Variants in PTGS1 observed in about 807,000 individuals in gnomAD.
The protein encoded by PTGS1 is prostaglandin G/H synthase 1.
A neutral mutation model predicts 63.0 loss-of-function variants in PTGS1; 40 were observed. The ratio of observed to expected loss-of-function variants is 0.63; its 90% CI spans 0.49 to 0.83. The LOEUF (loss-of-function observed/expected upper bound fraction) is 0.83, where lower values mean the gene tolerates loss of function less well. Among genes scored for constraint, PTGS1 ranks in the 40% least tolerant of loss-of-function variants. The pLI is 0.00. For synonymous variants in PTGS1, 298 were observed against 301.9 expected (o/e 0.99, Z 0.13); for missense variants, 709 against 786.5 (o/e 0.90, Z 1.18).
Position 122,386,543 on chromosome 9 carries a change from G to C in PTGS1, c.1107G>C (p.Gln369His). 1.2e-6 allele frequency: 2 copies of C among 1,614,178 alleles called. No homozygotes were observed. The highest frequency in any genetic ancestry group is 1.7e-6 in the Non-Finnish European group (2 of 1,180,028). The change falls in exon 9 of 11, where the codon CAG becomes CAC. Residue 369 changes from glutamine to histidine, a missense_variant. By Grantham distance (24) the Gln-to-His change is conservative. Coordinates refer to ENST00000362012, the MANE Select transcript of PTGS1 (RefSeq NM_000962.4). ...KFDPELLFGV[Q>H]FQYRNRIAME... is the part of the protein sequence containing the mutation. Reference sequence around the variant, plus strand: ...ACCCAGAGCTGCTGTTCGGTGTCCAGTTCCAATACCGCAACCGCATTGCCA... The same window carrying C: ...ACCCAGAGCTGCTGTTCGGTGTCCACTTCCAATACCGCAACCGCATTGCCA...
At chr9:122,373,139 C>T (rs925346167) in intron 2 of PTGS1, among the ~76,000 whole-genome samples, 3 of 152,106 alleles carry the variant, frequency 2.0e-5, no homozygotes, top group African/African-American at 7.2e-5. Flanking sequence ...CTAAGAGACT[C>T]GACCAGGAAA....
At chr9:122,375,654 G>A (rs1011793159) in intron 2 of PTGS1, among the ~76,000 whole-genome samples, 7 of 152,172 alleles carry the variant, frequency 4.6e-5, no homozygotes, top group Admixed American at 4.6e-4. Flanking sequence ...GCCAGGGCAA[G>A]GGAGAGTGGG....
rs1838509436 is a variant in PTGS1 at position 122,395,182 on chromosome 9, C to T, written c.*2638C>T. ...GGATGGGTTCCAGAGGTATTCCTCT[C>T]TTAAATGCAAGTGCCTAGATTAGGT... is the stretch of plus-strand genomic sequence containing the variant. On this transcript the variant is annotated 3_prime_UTR_variant, in exon 11 of 11. Transcript: ENST00000362012. 1.3e-5 allele frequency: 2 copies of T among 152,172 alleles called. No individual in the cohort carries two copies. Among genetic ancestry groups the T allele is most frequent in the African/African-American group, 2.4e-5 (1 of 41,426 alleles). The allele number at this position is 152,172 out of a possible 1,614,324, so 9.4% of individuals were successfully genotyped here.
At position 122,392,513 on chromosome 9, in the gene PTGS1, C is replaced by T; in HGVS notation, c.1769C>T (p.Pro590Leu). 6.2e-7 allele frequency: 1 copy of T among 1,614,024 alleles called. No individual in the cohort carries two copies. Among genetic ancestry groups the T allele is most frequent in the Non-Finnish European group, 8.5e-7 (1 of 1,179,974 alleles). Residue 590 changes from proline to leucine, a missense_variant, in exon 11 of 11, where the codon CCT (proline) becomes CTT (leucine). Physicochemically the swap from Pro to Leu is moderately conservative, Grantham distance 98. Transcript: ENST00000362012. ...CCGGATGCCAGTCAGGATGATGGGC[C>T]TGCTGTGGAGCGACCATCCACAGAG... is the stretch of plus-strand genomic sequence containing the variant. ...RVPDASQDDG[P>L]AVERPSTEL
chr9:122,371,333 AC>A, intron 2 of PTGS1, 61 bp downstream of exon 2: 1 of 1,593,658 alleles, frequency 6.3e-7, no homozygotes, highest in Non-Finnish European at 8.5e-7. Flanking sequence ...CCTGGTTTCA[AC>A]CCCCTCCTTT....
intron 9 of PTGS1, 98 bp downstream of exon 9, chr9:122,386,830 T>C: frequency 7.0e-7 from 1 of 1,422,042 alleles, no homozygotes; most frequent in Non-Finnish European, 9.6e-7. Flanking sequence ...ATGGGGCTGA[T>C]GTCACTTCTA....
Position 122,371,109 on chromosome 9 carries a change from G to A in PTGS1, c.7+18G>A. 1.9e-6 allele frequency: 3 copies of A among 1,604,088 alleles called. No homozygotes were observed. Among genetic ancestry groups the A allele is most frequent in the Non-Finnish European group, 2.5e-6 (3 of 1,179,688 alleles). ...CATGAGCCGTGAGTGCGACCCCGGT[G>A]CCCGGTGGGGAATTTTCTTGGCCTC... On this transcript the variant is annotated intron_variant, in intron 1 of 10. Transcript: ENST00000362012.
Position 122,392,778 on chromosome 9 carries a change from T to C in PTGS1, c.*234T>C. The C allele has an allele frequency of 2.2e-6, 1 of 460,406 alleles. No homozygotes were observed. The highest frequency in any genetic ancestry group is 3.8e-6 in the Non-Finnish European group (1 of 259,808). 28.5% of individuals were successfully genotyped at this position (460,406 alleles called of 1,614,324 possible). Reference sequence around the variant, plus strand: ...CAGATTGTTAGGAGTGGTTCTCATTTGGTCTGCCAGAATACTGGGTTCTTA... The same window carrying C: ...CAGATTGTTAGGAGTGGTTCTCATTCGGTCTGCCAGAATACTGGGTTCTTA... On this transcript the variant is annotated 3_prime_UTR_variant, in exon 11 of 11. Transcript: ENST00000362012.
At chr9:122,391,368 T>TAG (rs1195450083) in intron 10 of PTGS1, among the ~76,000 whole-genome samples, 1 of 83,354 alleles carries the variant, frequency 1.2e-5, no homozygotes, top group Non-Finnish European at 2.0e-5. Flanking sequence ...CATATATATA[T>TAG]ATACATATAT....
At position 122,371,038 on chromosome 9, in the gene PTGS1, A is replaced by T; in HGVS notation, c.-47A>T. ...GAGCTCCGGGCAGTGTGCGAGGCGC[A>T]CGCACAGGAGCCTGCACTCTGCGTC... On this transcript the variant is annotated 5_prime_UTR_variant, in exon 1 of 11. Transcript: ENST00000362012. 2 of 1,567,654 alleles carry T rather than the reference A, an allele frequency of 1.3e-6. No homozygotes were observed. The highest frequency in any genetic ancestry group is 1.8e-5 in the Admixed American group (1 of 54,188).
rs1477359285 is a variant in PTGS1 at position 122,390,364 on chromosome 9, G to C, written c.1444+19G>C. 6.2e-7 allele frequency: 1 copy of C among 1,612,864 alleles called. No individual in the cohort carries two copies. The highest frequency in any genetic ancestry group is 2.2e-5 in the East Asian group (1 of 44,854). On this transcript the variant is annotated intron_variant, in intron 10 of 10. Coordinates refer to ENST00000362012, the MANE Select transcript of PTGS1 (RefSeq NM_000962.4). ...CTCGTAGGTGAGCAGCTGTTTCCTG[G>C]ATGCAGTCCCTGCCCTTGAGGGACT... is the stretch of plus-strand genomic sequence containing the variant.
intron 9 of PTGS1, 95 bp from the exon 10 acceptor site, chr9:122,390,103 G>T: frequency 7.0e-7 from 1 of 1,434,302 alleles, no homozygotes; most frequent in Non-Finnish European, 9.4e-7. Flanking sequence ...GCTCAGAAGG[G>T]ACTCCCACTG....
chr9:122,387,132 A>G (rs183577547), intron 9 of PTGS1, among the ~76,000 whole-genome samples: 22 of 152,050 alleles, frequency 1.4e-4, no homozygotes, highest in Admixed American at 1.3e-3. Flanking sequence ...GGGAGTCAGG[A>G]AGGGACATCT....
intron 7 of PTGS1, among the ~76,000 whole-genome samples, chr9:122,383,180 G>GT (rs57512284): frequency 9.7e-4 from 119 of 122,558 alleles, no homozygotes; most frequent in Middle Eastern, 4.2e-3. Context: ...AAGATTTGTT[G>GT]TTTTTTTTTT....
At chr9:122,379,873 G>A (rs1233743542) in intron 5 of PTGS1, among the ~76,000 whole-genome samples, 1 of 152,152 alleles carries the variant, frequency 6.6e-6, no homozygotes, top group Non-Finnish European at 1.5e-5. Flanking sequence ...CATTGATCTT[G>A]AACCTTCAAC....
chr9:122,381,613 G>C, intron 6 of PTGS1, 51 bp from the exon 7 acceptor site: 2 of 1,612,970 alleles, frequency 1.2e-6, no homozygotes, highest in Non-Finnish European at 1.7e-6. Flanking sequence ...GTATGTCATC[G>C]ACAGTGGGCC....
rs5789 is a variant in PTGS1, at chr9:122,381,694, C to A, written c.709C>A (p.Leu237Met). ...VDLGHIYGDN[L>M]ERQYQLRLFK... ...CCTCGGCCACATTTATGGAGACAAT[C>A]TGGAGCGTCAGTATCAACTGCGGCT... Residue 237 changes from leucine (L) to methionine (M), a missense_variant, in exon 7 of 11, where the codon CTG becomes ATG. Transcript: ENST00000362012. 0.023 allele frequency: 37,266 copies of A among 1,614,078 alleles called. 591 individuals carry two copies. Among genetic ancestry groups the A allele is most frequent in the Non-Finnish European group, 0.027 (32,177 of 1,179,916 alleles).
At position 122,383,530 on chromosome 9, in the gene PTGS1, C is replaced by A; in HGVS notation, c.784C>A (p.Pro262Thr). ...ACAGGTGCTGGATGGAGAAATGTACCCGCCCTCGGTAGAAGAGGCGCCTGT... is the reference window on the plus strand; with the variant it reads ...ACAGGTGCTGGATGGAGAAATGTACACGCCCTCGGTAGAAGAGGCGCCTGT... ...KYQVLDGEMY[P>T]PSVEEAPVLM... The change falls in exon 8 of 11, where the codon CCG becomes ACG. Residue 262 changes from proline to threonine, a missense_variant. Physicochemically the swap from Pro to Thr is conservative, Grantham distance 38 (BLOSUM62 -1). Transcript: ENST00000362012. 6.2e-7 allele frequency: 1 copy of A among 1,610,968 alleles called. No individual in the cohort carries two copies. The highest frequency in any genetic ancestry group is 8.5e-7 in the Non-Finnish European group (1 of 1,177,468).
intron 2 of PTGS1, chr9:122,371,521 G>A (rs1836809355): frequency 7.4e-7 from 1 of 1,344,920 alleles, no homozygotes; most frequent in Non-Finnish European, 9.8e-7. Context: ...AACTTGGGGA[G>A]AAGGGACAGT....
Sources: gnomAD v4.1 joint callset for allele counts (sites outside exome capture counted in the v4.1 genomes callset) on GRCh38, gnomAD v4.1.1 for gene constraint, MANE v1.5 for transcripts, NCBI Gene and HGNC (gene_info 2026-07-23, HGNC 2026-07-21) for gene names.